Variants in DOK6 observed in about 807,000 individuals in gnomAD.
DOK6 encodes the protein docking protein 6, also known as downstream of tyrosine kinase 6.
Under a neutral mutation model 44.0 loss-of-function variants are expected in DOK6, and 22 were observed. The ratio of observed to expected loss-of-function variants is 0.50; its 90% CI spans 0.36 to 0.71. The LOEUF is 0.71. DOK6 is among the 30% of genes least tolerant of loss of function. The pLI is 0.00. For synonymous variants in DOK6, 166 were observed against 145.5 expected (o/e 1.14, Z -1.01); for missense variants, 340 against 416.4 (o/e 0.82, Z 1.60).
intron 2 of DOK6, among the ~76,000 whole-genome samples, chr18:69,571,477 G>A (rs1048553713): frequency 6.6e-6 from 1 of 151,930 alleles, no homozygotes; most frequent in African/African-American, 2.4e-5. Flanking sequence ...CCTAACAATA[G>A]GCTGTCTACA....
chr18:69,569,182 A>G (rs1983056801), intron 2 of DOK6, among the ~76,000 whole-genome samples: 2 of 152,138 alleles, frequency 1.3e-5, no homozygotes, highest in African/African-American at 2.4e-5. Context: ...GGAGAAATCT[A>G]GGCTGCCAGA....
intron 3 of DOK6, among the ~76,000 whole-genome samples, chr18:69,644,240 T>C (rs1459263481): frequency 8.5e-5 from 13 of 152,212 alleles, no homozygotes; most frequent in Non-Finnish European, 4.4e-5. Flanking sequence ...CATAGGTTTT[T>C]ACAGAGCAAA....
Position 69,841,322 on chromosome 18 carries a change from A to G in DOK6, c.935A>G (p.Gln312Arg). 1.2e-6 allele frequency: 2 copies of G among 1,614,206 alleles called. No homozygotes were observed. The highest frequency in any genetic ancestry group is 8.5e-7 in the Non-Finnish European group (1 of 1,180,032). Residue 312 changes from glutamine to arginine, a missense_variant, in exon 8 of 8, where the codon CAG becomes CGG. Transcript: ENST00000382713. Reference sequence around the variant, plus strand: ...GCCCCAGAACAGAGTGAAGAGGCCCAGCAGCCGTTGTCGCGGTCCAGCAGC... The same window carrying G: ...GCCCCAGAACAGAGTGAAGAGGCCCGGCAGCCGTTGTCGCGGTCCAGCAGC... ...SYAPEQSEEA[Q>R]QPLSRSSSYG... is the part of the protein sequence containing the mutation.
intron 7 of DOK6, among the ~76,000 whole-genome samples, chr18:69,780,319 C>T (rs1480952306): frequency 6.6e-6 from 1 of 152,118 alleles, no homozygotes; most frequent in South Asian, 2.1e-4. Context: ...TGGCTAGGCA[C>T]GGTGGCTCAT....
chr18:69,476,323 CA>C (rs1376128213), intron 1 of DOK6, among the ~76,000 whole-genome samples: 3 of 152,124 alleles, frequency 2.0e-5, no homozygotes, highest in Non-Finnish European at 4.4e-5. Flanking sequence ...GAAGAATATA[CA>C]TAAGAGTAAA....
At chr18:69,818,787 G>C (rs566990580) in intron 7 of DOK6, among the ~76,000 whole-genome samples, 108 of 152,142 alleles carry the variant, frequency 7.1e-4, no homozygotes, top group Non-Finnish European at 1.3e-3. Flanking sequence ...CTGGAGCCAC[G>C]TAGAGATGAT....
At chr18:69,517,069 G>T (rs12457543) in intron 1 of DOK6, among the ~76,000 whole-genome samples, 62,011 of 151,874 alleles carry the variant, frequency 0.41, 13,487 homozygotes, top group Non-Finnish European at 0.49. Flanking sequence ...TTTGAATATT[G>T]AGATTGTAAT....
intron 3 of DOK6, among the ~76,000 whole-genome samples, chr18:69,675,342 A>G (rs1391879837): frequency 2.0e-5 from 3 of 152,224 alleles, no homozygotes; most frequent in Non-Finnish European, 4.4e-5. Context: ...CTTAAAGAGA[A>G]TATTGGCACC....
intron 3 of DOK6, among the ~76,000 whole-genome samples, chr18:69,628,017 C>T (rs1984598932): frequency 6.6e-6 from 1 of 152,096 alleles, no homozygotes; most frequent in Non-Finnish European, 1.5e-5. Flanking sequence ...GCATAATGTA[C>T]AAAACAATGT....
chr18:69,623,113 A>G (rs1002581827), intron 3 of DOK6, among the ~76,000 whole-genome samples: 1 of 152,100 alleles, frequency 6.6e-6, no homozygotes, highest in Non-Finnish European at 1.5e-5. Flanking sequence ...TCTGGTTTGA[A>G]AGTGTGTAGG....
intron 2 of DOK6, among the ~76,000 whole-genome samples, chr18:69,579,151 A>G (rs1197363664): frequency 1.3e-5 from 2 of 152,218 alleles, no homozygotes; most frequent in African/African-American, 4.8e-5. Context: ...TCTACTCAGA[A>G]TATTGTCACA....
chr18:69,819,660 C>G (rs1019588568), intron 7 of DOK6, among the ~76,000 whole-genome samples: 1 of 152,170 alleles, frequency 6.6e-6, no homozygotes, highest in Non-Finnish European at 1.5e-5. Flanking sequence ...TGTTGAACAG[C>G]AACTTCCCAC....
At chr18:69,415,169 G>C (rs1978323767) in intron 1 of DOK6, among the ~76,000 whole-genome samples, 1 of 152,078 alleles carries the variant, frequency 6.6e-6, no homozygotes, top group African/African-American at 2.4e-5. Flanking sequence ...TCCTGGGACA[G>C]ACCTTTGAAA....
chr18:69,708,574 CAGG>C (rs1400628295), intron 5 of DOK6, among the ~76,000 whole-genome samples: 1 of 152,038 alleles, frequency 6.6e-6, no homozygotes, highest in African/African-American at 2.4e-5. Context: ...ATCATGATGT[CAGG>C]AGTTCGAGAC....
At chr18:69,597,852 A>G (rs1358159212) in intron 2 of DOK6, among the ~76,000 whole-genome samples, 2 of 152,348 alleles carry the variant, frequency 1.3e-5, no homozygotes, top group East Asian at 1.9e-4. Flanking sequence ...TGCCATGTGT[A>G]TTTATGTTGG....
At chr18:69,569,779 C>T (rs1325816094) in intron 2 of DOK6, among the ~76,000 whole-genome samples, 2 of 152,064 alleles carry the variant, frequency 1.3e-5, no homozygotes, top group Non-Finnish European at 2.9e-5. Flanking sequence ...TACATCGCAA[C>T]ACTATTCACA....
In DOK6 at chr18:69,616,207, C is replaced by T. The variant is rs79330044; in HGVS notation, c.289+16709C>T. Among the ~76,000 whole-genome samples the T allele has an allele frequency of 3.0e-3, 460 of 152,276 alleles. 2 individuals are homozygous for T. Among genetic ancestry groups the T allele is most frequent in the Middle Eastern group, 6.8e-3 (2 of 294 alleles). On this transcript the variant is annotated intron_variant, in intron 3 of 7. Coordinates refer to ENST00000382713, the MANE Select transcript of DOK6 (RefSeq NM_152721.6). ...CAGCTTCAGTGGAGTGTTACTATCA[C>T]ACTGGTGCTGCTTTGTTTCCCTGTC...
At chr18:69,401,598 A>T (rs1916101486) in intron 1 of DOK6, among the ~76,000 whole-genome samples, 2 of 152,092 alleles carry the variant, frequency 1.3e-5, no homozygotes, top group East Asian at 3.9e-4. Context: ...GTCAGTTCCA[A>T]CGAGGAACGT....
chr18:69,541,038 C>T (rs921237368), intron 1 of DOK6, among the ~76,000 whole-genome samples: 15 of 152,096 alleles, frequency 9.9e-5, no homozygotes, highest in Non-Finnish European at 2.1e-4. Context: ...ATCCTACTAG[C>T]ATATATTATA....
Sources: gnomAD v4.1 joint callset for allele counts (sites outside exome capture counted in the v4.1 genomes callset) on GRCh38, gnomAD v4.1.1 for gene constraint, MANE v1.5 for transcripts, NCBI Gene and HGNC (gene_info 2026-07-23, HGNC 2026-07-21) for gene names.